CNOT4: variants seen among roughly 807,000 people sequenced by gnomAD.
CNOT4 encodes the protein CCR4-associated factor 4.
In CNOT4, 8 loss-of-function variants were observed where a neutral mutation model predicts 73.8. The ratio of observed to expected loss-of-function variants is 0.11; its 90% CI spans 0.06 to 0.20. CNOT4 has a LOEUF of 0.20. Among genes scored for constraint, CNOT4 ranks in the 10% least tolerant of loss-of-function variants. The pLI, the probability that CNOT4 is intolerant of heterozygous loss-of-function variation, is 1.00. For synonymous variants in CNOT4, 293 were observed against 321.1 expected (o/e 0.91, Z 0.94); for missense variants, 564 against 883.4 (o/e 0.64, Z 4.58).
intron 2 of CNOT4, among the ~76,000 whole-genome samples, chr7:135,423,250 T>C (rs1798290076): frequency 6.6e-6 from 1 of 151,456 alleles, no homozygotes; most frequent in Middle Eastern, 3.4e-3. Flanking sequence ...TTAAATGCCA[T>C]AATATTTTAA....
At chr7:135,419,601 C>T (rs1798065349) in intron 3 of CNOT4, among the ~76,000 whole-genome samples, 1 of 152,048 alleles carries the variant, frequency 6.6e-6, no homozygotes, top group African/African-American at 2.4e-5. Context: ...TTATTTCAAA[C>T]ATATAAAACT....
At chr7:135,488,422 A>G (rs1802885284) in intron 1 of CNOT4, among the ~76,000 whole-genome samples, 1 of 152,252 alleles carries the variant, frequency 6.6e-6, no homozygotes, top group Admixed American at 6.5e-5. Flanking sequence ...CGTGTTGGCC[A>G]GGCTGGTCTT....
rs1300985331 is a variant in CNOT4 at position 135,364,002 on chromosome 7, T to C, written c.1692A>G (p.Leu564=). 2 of 1,598,402 alleles carry C rather than the reference T, an allele frequency of 1.3e-6. No individual in the cohort carries two copies. The highest frequency in any genetic ancestry group is 4.5e-5 in the East Asian group (2 of 44,868). Reference sequence around the variant, plus strand: ...CACCAAAGTTGATGTTAATGTTGGGTAGAAGTGCCCTTAGCCCGTCCTGCC... The same window carrying C: ...CACCAAAGTTGATGTTAATGTTGGGCAGAAGTGCCCTTAGCCCGTCCTGCC... The part of the protein sequence containing the change: ...KEWQDGLRAL[L]PNININFGGL... The change falls in exon 11 of 12, where the codon CTA becomes CTG. Residue 564 remains leucine (L), a synonymous_variant. Coordinates refer to ENST00000541284, the MANE Select transcript of CNOT4 (RefSeq NM_001190850.2). The surrounding 1 kb of genome is among the most constrained non-coding windows in gnomAD (Gnocchi z 4.3).
chr7:135,469,056 G>A (rs774393553), intron 1 of CNOT4, among the ~76,000 whole-genome samples: 2 of 152,134 alleles, frequency 1.3e-5, no homozygotes, highest in Non-Finnish European at 2.9e-5. Flanking sequence ...AACTGAACAA[G>A]TTTGACAAAT....
At chr7:135,454,579 CAGA>C (rs376624858) in intron 1 of CNOT4, among the ~76,000 whole-genome samples, 199 of 151,954 alleles carry the variant, frequency 1.3e-3, no homozygotes, top group African/African-American at 3.7e-3. Flanking sequence ...GAGGGTGAGG[CAGA>C]AGAATCACTT....
chr7:135,482,543 C>A (rs549568009), intron 1 of CNOT4, among the ~76,000 whole-genome samples: 137 of 151,544 alleles, frequency 9.0e-4, no homozygotes, highest in African/African-American at 3.1e-3. Context: ...CAGAGCGAGA[C>A]CCTGTATCAA....
intron 10 of CNOT4, among the ~76,000 whole-genome samples, chr7:135,365,424 TG>T (rs1706684791): frequency 7.1e-3 from 1 of 140 alleles, no homozygotes; most frequent in African/African-American, 0.019. Flanking sequence ...TACATTTGTA[TG>T]TGTTGTATGG....
chr7:135,472,863 G>A (rs1447207255), intron 1 of CNOT4, among the ~76,000 whole-genome samples: 1 of 151,836 alleles, frequency 6.6e-6, no homozygotes, highest in Non-Finnish European at 1.5e-5. Flanking sequence ...AACACAGGGA[G>A]ACCCTGTCTC....
At position 135,362,579 on chromosome 7, in the gene CNOT4, G is replaced by C. The variant is rs1794695607; in HGVS notation, c.*306C>G. ...GATTATGTCATTATTATGCGCAACAGACAAACAATAATTTTCTAAGTATTG... is the reference window on the plus strand; with the variant it reads ...GATTATGTCATTATTATGCGCAACACACAAACAATAATTTTCTAAGTATTG... On this transcript the variant is annotated 3_prime_UTR_variant, in exon 12 of 12. Transcript: ENST00000541284. 2.0e-6 allele frequency: 1 copy of C among 492,526 alleles called. No individual in the cohort carries two copies. The highest frequency in any genetic ancestry group is 3.7e-6 in the Non-Finnish European group (1 of 270,820). 30.5% of individuals were successfully genotyped at this position (492,526 alleles called of 1,614,324 possible). A position where few individuals can be genotyped will look rare whatever the true frequency, so the allele number is the denominator to read the frequency against.
intron 1 of CNOT4, among the ~76,000 whole-genome samples, chr7:135,456,469 T>C (rs1800535166): frequency 2.0e-5 from 3 of 152,070 alleles, no homozygotes; most frequent in Non-Finnish European, 2.9e-5. Context: ...AAATGGTTTC[T>C]CTCTATTCTA....
chr7:135,401,094 ACTC>A (rs1430075356), intron 7 of CNOT4, among the ~76,000 whole-genome samples: 6 of 152,250 alleles, frequency 3.9e-5, no homozygotes, highest in African/African-American at 1.4e-4. Flanking sequence ...ATAAATGTGA[ACTC>A]CTTGTTTCTC....
chr7:135,370,444 A>G (rs978111563), intron 10 of CNOT4, among the ~76,000 whole-genome samples: 6 of 152,130 alleles, frequency 3.9e-5, no homozygotes, highest in South Asian at 2.1e-4. Context: ...TTTTTATTCA[A>G]TCTTCCAAAA....
Position 135,363,106 on chromosome 7 carries a change from G to C in CNOT4, c.1921C>G (p.Leu641Val). The stretch of plus-strand genomic sequence containing the variant: ...GCGCTGGGGCCGTCCATCTCTGTGA[G>C]GGCCTGAAGGGATTTTAGCCAGTGT... ...PPHWLKSLQA[L>V]TEMDGPSAAP... The change falls in exon 12 of 12, where the codon CTC becomes GTC. Residue 641 changes from leucine (L) to valine (V), a missense_variant. This residue lies in a region of CNOT4 where 88 missense variants were observed against 94.7 expected (regional missense o/e 0.93). Coordinates refer to ENST00000541284, the MANE Select transcript of CNOT4 (RefSeq NM_001190850.2). This position sits in a 1 kb window ranked among gnomAD's most constrained non-coding sequence, Gnocchi z 4.3. The C allele has an allele frequency of 6.2e-7, 1 of 1,614,018 alleles. No homozygotes were observed. The highest frequency in any genetic ancestry group is 1.1e-5 in the South Asian group (1 of 91,076).
chr7:135,453,483 C>A (rs920461467), intron 1 of CNOT4, among the ~76,000 whole-genome samples: 2 of 151,706 alleles, frequency 1.3e-5, no homozygotes, highest in African/African-American at 2.4e-5. Flanking sequence ...ATCCTGCCAC[C>A]ACTTCTGCAG....
intron 1 of CNOT4, among the ~76,000 whole-genome samples, chr7:135,469,836 T>C (rs1801462969): frequency 6.6e-6 from 1 of 151,110 alleles, no homozygotes. Flanking sequence ...GTTTGTTTGT[T>C]TTTGAGATGG....
chr7:135,423,768 A>G (rs1029086497), intron 2 of CNOT4, among the ~76,000 whole-genome samples: 2 of 152,126 alleles, frequency 1.3e-5, no homozygotes, highest in Admixed American at 6.6e-5. Flanking sequence ...ATACCACTTG[A>G]TTCCCACATT....
intron 1 of CNOT4, among the ~76,000 whole-genome samples, chr7:135,441,189 G>C (rs1585647174): frequency 6.6e-6 from 1 of 151,562 alleles, no homozygotes; most frequent in East Asian, 1.9e-4. Context: ...AACGGAGGTA[G>C]GAGACTACTA....
At chr7:135,470,137 G>A (rs532469774) in intron 1 of CNOT4, among the ~76,000 whole-genome samples, 3 of 146,676 alleles carry the variant, frequency 2.0e-5, no homozygotes, top group South Asian at 2.2e-4. Flanking sequence ...GTGTTTTTTT[G>A]GGGGGGGAGG....
intron 6 of CNOT4, among the ~76,000 whole-genome samples, chr7:135,411,534 C>T (rs1797589705): frequency 6.6e-6 from 1 of 151,872 alleles, no homozygotes; most frequent in South Asian, 2.1e-4. Flanking sequence ...CATCAAAAGG[C>T]AATGTCACAA....
Sources: gnomAD v4.1 joint callset for allele counts (sites outside exome capture counted in the v4.1 genomes callset) on GRCh38, gnomAD v4.1.1 for gene constraint, gnomAD v4.1.1 regional missense constraint, Gnocchi (gnomAD v3.1) non-coding constraint, MANE v1.5 for transcripts, NCBI Gene and HGNC (gene_info 2026-07-23, HGNC 2026-07-21) for gene names.